LAMTOR3: variants seen among roughly 807,000 people sequenced by gnomAD.
The protein encoded by LAMTOR3 is late endosomal/lysosomal adaptor, MAPK and MTOR activator 3, also known as ragulator complex protein LAMTOR3.
Under a neutral mutation model 20.3 loss-of-function variants are expected in LAMTOR3, and 14 were observed. That is an observed-to-expected ratio of 0.69 (90% CI 0.46 to 1.08). The LOEUF is 1.08. Among genes scored for constraint, LAMTOR3 ranks in the 50% least tolerant of loss-of-function variants. The pLI is 0.00. For missense variants in LAMTOR3, 125 were observed against 143.7 expected (o/e 0.87, Z 0.67); for synonymous variants, 40 against 49.4 (o/e 0.81, Z 0.80).
chr4:99,880,854 C>T lies in LAMTOR3; in HGVS notation c.*1140G>A, dbSNP rs1724812002. 1 of 152,256 alleles carries T rather than the reference C, an allele frequency of 6.6e-6. No homozygotes were observed. The highest frequency in any genetic ancestry group is 6.5e-5 in the Admixed American group (1 of 15,284). The allele number at this position is 152,256 out of a possible 1,614,324, so 9.4% of individuals were successfully genotyped here. A position where few individuals can be genotyped will look rare whatever the true frequency, so the allele number is the denominator to read the frequency against. On this transcript the variant is annotated 3_prime_UTR_variant, in exon 7 of 7. Transcript: ENST00000499666. ...GTCAAAGAGCCTAGAAAGAAATTAA[C>T]TCTGAATGATAGACTGCATTCCTGA... is the stretch of plus-strand genomic sequence containing the variant.
chr4:99,893,984 A>G lies in LAMTOR3; in HGVS notation c.-21T>C. On this transcript the variant is annotated 5_prime_UTR_variant, in exon 2 of 7. Coordinates refer to ENST00000499666, the MANE Select transcript of LAMTOR3 (RefSeq NM_021970.4). ...GCCATGATGAACCCCCTTCTCTCGC[A>G]GGATCAATCTCCACGCCTGGAAGAG... The G allele has an allele frequency of 6.5e-7, 1 of 1,539,166 alleles. No homozygotes were observed. Among genetic ancestry groups the G allele is most frequent in the Non-Finnish European group, 8.8e-7 (1 of 1,138,186 alleles).
At chr4:99,893,171 C>A (rs1725055153) in intron 2 of LAMTOR3, among the ~76,000 whole-genome samples, 1 of 152,102 alleles carries the variant, frequency 6.6e-6, no homozygotes, top group South Asian at 2.1e-4. Context: ...ATCAATGCGC[C>A]TGGCTGATTT....
intron 3 of LAMTOR3, among the ~76,000 whole-genome samples, chr4:99,888,846 T>G (rs1432135605): frequency 6.6e-6 from 1 of 152,218 alleles, no homozygotes; most frequent in African/African-American, 2.4e-5. Flanking sequence ...ATCCTATTAT[T>G]GGCATGATTT....
intron 6 of LAMTOR3, among the ~76,000 whole-genome samples, chr4:99,882,610 A>G (rs1220585153): frequency 6.6e-6 from 1 of 152,064 alleles, no homozygotes; most frequent in African/African-American, 2.4e-5. Context: ...TTACTGCTTC[A>G]AAATTTGCCT....
chr4:99,881,862 C>T lies in LAMTOR3; in HGVS notation c.*132G>A. 1.5e-6 allele frequency: 1 copy of T among 660,390 alleles called. No individual in the cohort carries two copies. Among genetic ancestry groups the T allele is most frequent in the Non-Finnish European group, 2.7e-6 (1 of 371,746 alleles). The allele number at this position is 660,390 out of a possible 1,614,324, so 40.9% of individuals were successfully genotyped here. On this transcript the variant is annotated 3_prime_UTR_variant, in exon 7 of 7. Coordinates refer to ENST00000499666, the MANE Select transcript of LAMTOR3 (RefSeq NM_021970.4). ...TATAAATTACATCTATATGCTAGCT[C>T]TTTAGTATAAGTTGGAAAAAGGGGC...
In LAMTOR3 at chr4:99,883,712, G is replaced by C. The variant is rs150365485; in HGVS notation, c.301+350C>G. Among the ~76,000 whole-genome samples the C allele has an allele frequency of 3.5e-3, 515 of 146,304 alleles. 6 individuals carry two copies. Among genetic ancestry groups the C allele is most frequent in the African/African-American group, 0.012 (475 of 39,552 alleles). The stretch of plus-strand genomic sequence containing the variant: ...CGTTTTGTTGGGTTATCTTCACCTT[G>C]TTTTCTTAAACTGCTGTAATGGGAG... On this transcript the variant is annotated intron_variant, in intron 6 of 6. Coordinates refer to ENST00000499666, the MANE Select transcript of LAMTOR3 (RefSeq NM_021970.4).
Position 99,879,854 on chromosome 4 carries a change from T to C in LAMTOR3, c.*2140A>G, listed in dbSNP as rs1445896125. ...CCTACTACTATACACCTAGGCTATA[T>C]GGTATAGCCTACTACTACACACCTA... is the stretch of plus-strand genomic sequence containing the variant. On this transcript the variant is annotated 3_prime_UTR_variant, in exon 7 of 7. Coordinates refer to ENST00000499666, the MANE Select transcript of LAMTOR3 (RefSeq NM_021970.4). The C allele has an allele frequency of 1.3e-5, 2 of 151,452 alleles. No homozygotes were observed. Among genetic ancestry groups the C allele is most frequent in the African/African-American group, 4.9e-5 (2 of 41,132 alleles). 9.4% of individuals were successfully genotyped at this position (151,452 alleles called of 1,614,324 possible). A position where few individuals can be genotyped will look rare whatever the true frequency, so the allele number is the denominator to read the frequency against.
intron 3 of LAMTOR3, 59 bp downstream of exon 3, chr4:99,891,941 T>G: frequency 6.5e-7 from 1 of 1,531,506 alleles, no homozygotes; most frequent in Non-Finnish European, 8.7e-7. Flanking sequence ...ACAAAATGCT[T>G]CATAAAATTA....
chr4:99,889,241 T>C (rs1244303319), intron 3 of LAMTOR3, among the ~76,000 whole-genome samples: 1 of 152,128 alleles, frequency 6.6e-6, no homozygotes, highest in African/African-American at 2.4e-5. Context: ...AATATATTCT[T>C]CTAAGTTAAA....
At chr4:99,892,932 G>T (rs1394497379) in intron 2 of LAMTOR3, among the ~76,000 whole-genome samples, 2 of 152,138 alleles carry the variant, frequency 1.3e-5, no homozygotes, top group Non-Finnish European at 2.9e-5. Context: ...CACCCGCCTT[G>T]GCCTCCCAAA....
At chr4:99,885,903 T>A (rs1391154517) in intron 4 of LAMTOR3, among the ~76,000 whole-genome samples, 1 of 152,218 alleles carries the variant, frequency 6.6e-6, no homozygotes, top group East Asian at 1.9e-4. Flanking sequence ...ACAATTTTTT[T>A]AAATTTTAAA....
rs1724836547 is a variant in LAMTOR3 at position 99,881,998 on chromosome 4, G to C, written c.371C>G (p.Ser124Cys). 6.2e-7 allele frequency: 1 copy of C among 1,601,778 alleles called. No homozygotes were observed. Among genetic ancestry groups the C allele is most frequent in the Non-Finnish European group, 8.5e-7 (1 of 1,172,772 alleles). Residue 124 changes from serine to cysteine, a missense_variant, in exon 7 of 7, where the codon TCT (serine) becomes TGT (cysteine). Coordinates refer to ENST00000499666, the MANE Select transcript of LAMTOR3 (RefSeq NM_021970.4). ...CACACTGAAACCACTGTCAGATTAA[G>C]AAACTTCCACAACTTGTCTCAGTTC... ...FEELRQVVEV[S>C]
Position 99,880,629 on chromosome 4 carries a change from C to CA in LAMTOR3, c.*1364dup, listed in dbSNP as rs1443718057. ...AAAAAGAAAGAAAGAAAAAGCAGCA[C>CA]AGCACCTAGCCAATTGCCTCACTGC... On this transcript the variant is annotated 3_prime_UTR_variant, in exon 7 of 7. Coordinates refer to ENST00000499666, the MANE Select transcript of LAMTOR3 (RefSeq NM_021970.4). 6.6e-6 allele frequency: 1 copy of CA among 152,490 alleles called. No homozygotes were observed. The highest frequency in any genetic ancestry group is 1.9e-4 in the East Asian group (1 of 5,202). 9.4% of individuals were successfully genotyped at this position (152,490 alleles called of 1,614,324 possible). A position where few individuals can be genotyped will look rare whatever the true frequency, so the allele number is the denominator to read the frequency against.
chr4:99,892,151 GT>G, intron 2 of LAMTOR3, 117 bp from the exon 3 acceptor site: 1 of 1,402,448 alleles, frequency 7.1e-7, no homozygotes, highest in African/African-American at 1.5e-5. Flanking sequence ...TTCTTGCTGT[GT>G]TTTATCTTTC....
chr4:99,893,638 T>C (rs954756049), intron 2 of LAMTOR3, among the ~76,000 whole-genome samples: 3 of 152,178 alleles, frequency 2.0e-5, no homozygotes, highest in African/African-American at 4.8e-5. Context: ...CAGCAAACCA[T>C]CATTCAGAAT....
intron 5 of LAMTOR3, among the ~76,000 whole-genome samples, chr4:99,884,526 T>C (rs550092963): frequency 1.3e-4 from 20 of 152,294 alleles, no homozygotes; most frequent in African/African-American, 4.8e-4. Flanking sequence ...ATTACTGTAA[T>C]TTAAATTAAA....
intron 6 of LAMTOR3, 152 bp from the exon 7 acceptor site, chr4:99,882,219 T>A (rs1724841128): frequency 1.7e-6 from 1 of 588,880 alleles, no homozygotes; most frequent in Non-Finnish European, 3.0e-6. Context: ...AGGTTGAATA[T>A]CCCTTATCCA....
At position 99,892,032 on chromosome 4, in the gene LAMTOR3, G is replaced by A; in HGVS notation, c.12C>T (p.Asp4=). The A allele has an allele frequency of 6.4e-7, 1 of 1,568,274 alleles. No individual in the cohort carries two copies. The highest frequency in any genetic ancestry group is 8.6e-7 in the Non-Finnish European group (1 of 1,163,418). ...ACTTTTTATACAAGAATCGCTTTAGGTCCTGAAAGAGAGCATTAAAAAATA... is the reference window on the plus strand; with the variant it reads ...ACTTTTTATACAAGAATCGCTTTAGATCCTGAAAGAGAGCATTAAAAAATA... MAD[D]LKRFLYKKLP... is the part of the protein sequence containing the mutation. Residue 4 remains aspartate (D), a splice_region_variant and synonymous_variant, in exon 3 of 7, where the codon GAC becomes GAT. Coordinates refer to ENST00000499666, the MANE Select transcript of LAMTOR3 (RefSeq NM_021970.4).
chr4:99,883,933 A>C, intron 6 of LAMTOR3, 129 bp downstream of exon 6: 2 of 639,224 alleles, frequency 3.1e-6, no homozygotes, highest in South Asian at 4.1e-5. Context: ...GAAAAAAGAC[A>C]GTGAAACTGG....
Sources: gnomAD v4.1 joint callset for allele counts (sites outside exome capture counted in the v4.1 genomes callset) on GRCh38, gnomAD v4.1.1 for gene constraint, MANE v1.5 for transcripts, NCBI Gene and HGNC (gene_info 2026-07-23, HGNC 2026-07-21) for gene names.